The following CHRNA7 variants were observed in gnomAD, a reference collection of about 807,000 sequenced individuals.
CHRNA7 encodes neuronal acetylcholine receptor subunit alpha-7.
A neutral mutation model predicts 48.0 loss-of-function variants in CHRNA7; 17 were observed. That is an observed-to-expected ratio of 0.35 (90% CI 0.24 to 0.53). The LOEUF is 0.53. Ranked by LOEUF, CHRNA7 falls within the 20% of genes least tolerant of loss-of-function variation. CHRNA7 has a pLI of 0.92. For missense variants in CHRNA7, 155 were observed against 577.7 expected, an observed-to-expected ratio of 0.27 and a Z score of 7.50; for synonymous variants, 75 against 242.3, an observed-to-expected ratio of 0.31 and a Z score of 6.41.
At position 32,101,346 on chromosome 15, in the gene CHRNA7, T is replaced by C; in HGVS notation, c.239T>C (p.Met80Thr). 2 of 1,587,850 alleles carry C rather than the reference T, an allele frequency of 1.3e-6. No individual in the cohort carries two copies. The highest frequency in any genetic ancestry group is 1.7e-6 in the Non-Finnish European group (2 of 1,171,820). ...QVLTTNIWLQ[M>T]SWTDHYLQWN... ...TTAACCACCAACATTTGGCTGCAAATGGTAAGTTAAGAGAATGACAATCTC... is the reference window on the plus strand; with the variant it reads ...TTAACCACCAACATTTGGCTGCAAACGGTAAGTTAAGAGAATGACAATCTC... The change falls in exon 3 of 10, where the codon ATG becomes ACG. Residue 80 changes from methionine to threonine, a missense_variant and splice_region_variant. Coordinates refer to ENST00000306901, the MANE Select transcript of CHRNA7 (RefSeq NM_000746.6).
At chr15:32,133,158 T>G (rs1484896775) in intron 4 of CHRNA7, among the ~76,000 whole-genome samples, 2 of 152,216 alleles carry the variant, frequency 1.3e-5, no homozygotes, top group African/African-American at 4.8e-5. Flanking sequence ...TGAATAGTCC[T>G]TGTGTGCATA....
chr15:32,091,464 A>G (rs1270214296), intron 2 of CHRNA7, among the ~76,000 whole-genome samples: 1 of 152,162 alleles, frequency 6.6e-6, no homozygotes, highest in Non-Finnish European at 1.5e-5. Context: ...TGACTTGCAA[A>G]GTTCCTAGGC....
chr15:32,071,827 C>CTT (rs60459993), intron 2 of CHRNA7, among the ~76,000 whole-genome samples: 1 of 147,594 alleles, frequency 6.8e-6, no homozygotes, highest in Non-Finnish European at 1.5e-5. Flanking sequence ...AAATAAGCCT[C>CTT]TTTTTTTTTT....
At chr15:32,102,992 C>T (rs1173428738) in intron 3 of CHRNA7, 3 of 152,342 alleles carry the variant, frequency 2.0e-5, no homozygotes, top group Admixed American at 6.5e-5. Context: ...AGGTAATTCA[C>T]ACAGACACAA....
intron 4 of CHRNA7, among the ~76,000 whole-genome samples, chr15:32,148,494 G>T (rs977319715): frequency 1.3e-5 from 2 of 152,322 alleles, no homozygotes; most frequent in Admixed American, 1.3e-4. Context: ...GGATCAGAGG[G>T]CTCTTGTTCC....
chr15:32,038,083 T>C (rs1185547014), intron 2 of CHRNA7, among the ~76,000 whole-genome samples: 2 of 145,804 alleles, frequency 1.4e-5, no homozygotes, highest in South Asian at 2.1e-4. Flanking sequence ...AATATACATA[T>C]GTACATACAT....
chr15:32,112,422 A>T, intron 4 of CHRNA7: 1 of 451,242 alleles, frequency 2.2e-6, no homozygotes, highest in Non-Finnish European at 4.5e-6. Flanking sequence ...CAGGGTATAT[A>T]CCTGATTTCT....
chr15:32,045,227 C>G (rs1214195876), intron 2 of CHRNA7, among the ~76,000 whole-genome samples: 1 of 151,988 alleles, frequency 6.6e-6, no homozygotes, highest in Admixed American at 6.5e-5. Flanking sequence ...AGTGATGGCT[C>G]TTTTTGCTTT....
intron 1 of CHRNA7, 85 bp downstream of exon 1, chr15:32,030,734 C>G: frequency 6.5e-7 from 1 of 1,530,350 alleles, no homozygotes; most frequent in South Asian, 1.2e-5. Flanking sequence ...GCGCCTGGGC[C>G]AGGTTTGGGA....
intron 4 of CHRNA7, among the ~76,000 whole-genome samples, chr15:32,146,041 A>G (rs755853191): frequency 2.0e-4 from 31 of 152,342 alleles, no homozygotes; most frequent in Admixed American, 1.6e-3. Flanking sequence ...TTATTCGGCC[A>G]TCTTGGAAGC....
intron 4 of CHRNA7, among the ~76,000 whole-genome samples, chr15:32,133,940 T>G (rs1388696071): frequency 3.9e-5 from 6 of 152,200 alleles, no homozygotes; most frequent in Non-Finnish European, 8.8e-5. Context: ...AAGGTTCATG[T>G]GCCATGAACA....
At chr15:32,097,121 C>G (rs1016328564) in intron 2 of CHRNA7, among the ~76,000 whole-genome samples, 2 of 152,178 alleles carry the variant, frequency 1.3e-5, no homozygotes, top group African/African-American at 4.8e-5. Flanking sequence ...GTTTGCATCC[C>G]TGTTTCGGAG....
At chr15:32,105,771 GA>G (rs1396263003) in intron 3 of CHRNA7, among the ~76,000 whole-genome samples, 2 of 152,180 alleles carry the variant, frequency 1.3e-5, no homozygotes, top group Non-Finnish European at 2.9e-5. Flanking sequence ...GATTCCCTTA[GA>G]AGGTGTGCCC....
chr15:32,030,517 C>G lies in CHRNA7; in HGVS notation c.-78C>G, dbSNP rs912076951. On this transcript the variant is annotated 5_prime_UTR_variant, in exon 1 of 10. Coordinates refer to ENST00000306901, the MANE Select transcript of CHRNA7 (RefSeq NM_000746.6). ...GCGCGCGAGCCGAGCGGCGAGGTGC[C>G]TCTGTGGCCGCAGGCGCAGGCCCGG... 6.8e-6 allele frequency: 9 copies of G among 1,327,258 alleles called. No individual in the cohort carries two copies. The highest frequency in any genetic ancestry group is 7.7e-6 in the Non-Finnish European group (8 of 1,040,536). The allele number at this position is 1,327,258 out of a possible 1,614,324, so 82.2% of individuals were successfully genotyped here. A position where few individuals can be genotyped will look rare whatever the true frequency, so the allele number is the denominator to read the frequency against.
intron 4 of CHRNA7, among the ~76,000 whole-genome samples, chr15:32,153,217 G>A (rs1167505428): frequency 1.3e-5 from 2 of 152,062 alleles, no homozygotes; most frequent in South Asian, 2.1e-4. Flanking sequence ...TCAGGAGATC[G>A]AGACCATCCC....
intron 2 of CHRNA7, among the ~76,000 whole-genome samples, chr15:32,044,891 A>G (rs1278960933): frequency 2.0e-5 from 3 of 152,234 alleles, no homozygotes; most frequent in African/African-American, 7.2e-5. Context: ...AGACTAATTT[A>G]TTCCATATGC....
At chr15:32,045,537 AT>A (rs2049525484) in intron 2 of CHRNA7, among the ~76,000 whole-genome samples, 1 of 151,612 alleles carries the variant, frequency 6.6e-6, no homozygotes, top group Admixed American at 6.6e-5. Flanking sequence ...TCTCTCTTCA[AT>A]AAGTTTTTTT....
chr15:32,049,723 T>C (rs973653470), intron 2 of CHRNA7, among the ~76,000 whole-genome samples: 25 of 152,234 alleles, frequency 1.6e-4, no homozygotes, highest in African/African-American at 5.5e-4. Flanking sequence ...TGTTAGTTGA[T>C]GCAGTTTCTT....
In CHRNA7 at chr15:32,157,766, G is replaced by C. The variant is rs750874577; in HGVS notation, c.589G>C (p.Asp197His). 2 of 1,284,824 alleles carry C rather than the reference G, an allele frequency of 1.6e-6. 1 individual carries two copies. The highest frequency in any genetic ancestry group is 2.2e-6 in the Non-Finnish European group (2 of 923,564). 79.6% of individuals were successfully genotyped at this position (1,284,824 alleles called of 1,614,324 possible). Reference protein sequence around the residue: ...ISGYIPNGEWDLVGIPGKRSE... With the variant: ...ISGYIPNGEWHLVGIPGKRSE... ...TGGCTATATCCCCAATGGAGAATGG[G>C]ACCTAGTGGGTAAGCCATGGGACTA... The change falls in exon 6 of 10, where the codon GAC becomes CAC. Residue 197 changes from aspartate (D) to histidine (H), a missense_variant. Asp to His is a moderately conservative substitution (Grantham distance 81). Coordinates refer to ENST00000306901, the MANE Select transcript of CHRNA7 (RefSeq NM_000746.6).
Sources: allele counts gnomAD v4.1 joint callset (sites outside exome capture counted in the v4.1 genomes callset), GRCh38; gene constraint gnomAD v4.1.1; transcripts MANE v1.5; gene names NCBI Gene and HGNC (gene_info 2026-07-23, HGNC 2026-07-21).